Variants in PKD1L1 observed in about 807,000 individuals in gnomAD.
The protein encoded by PKD1L1 is polycystin-1-like protein 1.
A neutral mutation model predicts 323.4 loss-of-function variants in PKD1L1; 236 were observed. The ratio of observed to expected loss-of-function variants is 0.73; its 90% confidence interval spans 0.66 to 0.81. The LOEUF is 0.81. Among genes scored for constraint, PKD1L1 ranks in the 40% least tolerant of loss-of-function variants. The pLI, the probability that PKD1L1 is intolerant of heterozygous loss-of-function variation, is 0.00. For synonymous variants in PKD1L1, 1,344 were observed against 1,335.0 expected (o/e 1.01, Z -0.15); for missense variants, 3,320 against 3,508.0 (o/e 0.95, Z 1.35).
rs1554495 is a variant in PKD1L1 at position 47,865,139 on chromosome 7, G to A, written c.4149+77C>T. On this transcript the variant is annotated intron_variant, in intron 26 of 56. Transcript: ENST00000289672. ...GTGTCAAACTATGATTCTGGACAGTGTATTTTTCAAGAACTGATCATGTCC... is the reference window on the plus strand; with the variant it reads ...GTGTCAAACTATGATTCTGGACAGTATATTTTTCAAGAACTGATCATGTCC... 460,697 of 1,027,626 alleles carry A rather than the reference G, an allele frequency of 0.45. 105,139 individuals are homozygous for A. The highest frequency in any genetic ancestry group is 0.65 in the East Asian group (25,625 of 39,658). The allele number at this position is 1,027,626 out of a possible 1,614,324, so 63.7% of individuals were successfully genotyped here.
At position 47,839,443 on chromosome 7, in the gene PKD1L1, T is replaced by C. The variant is rs567976895; in HGVS notation, c.5769+3A>G. 4.4e-6 allele frequency: 7 copies of C among 1,603,960 alleles called. No homozygotes were observed. In the East Asian group the frequency reaches 1.6e-4, roughly 36 times the overall value. ...CACGAGAGGCCACCTGGAGGGAGCC[T>C]ACCTTCCGGAAGCCGAGTCCCCCTT... On this transcript the variant is annotated splice_donor_region_variant and intron_variant, in intron 36 of 56. Transcript: ENST00000289672. The surrounding 1 kb of genome is among the most constrained non-coding windows in gnomAD (Gnocchi z 4.3).
intron 26 of PKD1L1, among the ~76,000 whole-genome samples, chr7:47,861,737 C>T (rs190565829): frequency 2.2e-4 from 34 of 151,826 alleles, no homozygotes; most frequent in African/African-American, 7.5e-4. Context: ...AAAAATTAGC[C>T]GGGCATGGTG....
At chr7:47,934,767 G>A (rs890478216) in intron 4 of PKD1L1, among the ~76,000 whole-genome samples, 1 of 152,166 alleles carries the variant, frequency 6.6e-6, no homozygotes, top group Non-Finnish European at 1.5e-5. Context: ...GGGGTGGGGG[G>A]ATTGCGCTCA....
intron 28 of PKD1L1, 114 bp from the exon 29 acceptor site, chr7:47,855,379 G>T: frequency 1.5e-6 from 1 of 650,126 alleles, no homozygotes. Context: ...AAAATTATAT[G>T]CCTGATATTA....
intron 28 of PKD1L1, among the ~76,000 whole-genome samples, chr7:47,856,713 T>G (rs1785912436): frequency 1.3e-5 from 2 of 152,250 alleles, no homozygotes; most frequent in Non-Finnish European, 2.9e-5. Flanking sequence ...TTTTAATTTG[T>G]GTTTTTTATT....
rs149032330 is a variant in PKD1L1, at chr7:47,859,011, G to A, written c.4150-126C>T. Reference sequence around the variant, plus strand: ...TGAACAGAAAAGATGTAAATAAAGTGCCTCATGGCATATGATGCATATATT... The same window carrying A: ...TGAACAGAAAAGATGTAAATAAAGTACCTCATGGCATATGATGCATATATT... On this transcript the variant is annotated intron_variant, in intron 26 of 56. Coordinates refer to ENST00000289672, the MANE Select transcript of PKD1L1 (RefSeq NM_138295.5). The A allele has an allele frequency of 2.3e-3, 2,815 of 1,241,628 alleles. 48 individuals are homozygous for A. In the African/African-American group the frequency reaches 0.037, roughly 16 times the overall value. 76.9% of individuals were successfully genotyped at this position (1,241,628 alleles called of 1,614,324 possible).
the PKD1L1 span, among the ~76,000 whole-genome samples, chr7:47,958,795 CTCTCCCTCTCCCCACGG>C: frequency 8.9e-3 from 1,331 of 150,162 alleles, 15 homozygotes; most frequent in African/African-American, 0.021. Context: ...CTCCCTCTCC[CTCTCCCTCTCCCCACGG>C]TCTCCCTCTC....
the PKD1L1 span, among the ~76,000 whole-genome samples, chr7:47,959,664 C>T: frequency 2.4e-5 from 3 of 126,452 alleles, no homozygotes; most frequent in East Asian, 2.6e-4. Flanking sequence ...GGTCAGCCCC[C>T]GCCAGGCCAG....
At chr7:47,904,076 C>T (rs1359557423) in intron 12 of PKD1L1, among the ~76,000 whole-genome samples, 1 of 152,196 alleles carries the variant, frequency 6.6e-6, no homozygotes, top group Non-Finnish European at 1.5e-5. Context: ...GAGCCTCTCT[C>T]CCATTTCCCT....
At chr7:47,940,960 C>T (rs1159710593) in intron 2 of PKD1L1, among the ~76,000 whole-genome samples, 2 of 152,196 alleles carry the variant, frequency 1.3e-5, no homozygotes, top group Non-Finnish European at 2.9e-5. Context: ...GATGACAGGT[C>T]CTTGAGTGTT....
Position 47,813,972 on chromosome 7 carries a change from C to T in PKD1L1, c.7132G>A (p.Val2378Ile), listed in dbSNP as rs373810606. Residue 2378 changes from valine (V) to isoleucine (I), a missense_variant, in exon 48 of 57, where the codon GTA becomes ATA. Transcript: ENST00000289672. ...GGKCYLIGSS[V>I]IRQLKVFPRH... ...GGAAAAACTTTTAGCTGCCTAATTA[C>T]GGAACTGCCTATTAGGTAGCATTTT... 1.4e-5 allele frequency: 23 copies of T among 1,613,982 alleles called. No homozygotes were observed. Among genetic ancestry groups the T allele is most frequent in the South Asian group, 2.2e-5 (2 of 91,082 alleles).
chr7:47,823,788 T>C (rs769067875), intron 45 of PKD1L1, among the ~76,000 whole-genome samples: 1 of 152,216 alleles, frequency 6.6e-6, no homozygotes. Flanking sequence ...TAAAGAGAAA[T>C]ATCCCCCCTC....
chr7:47,825,838 A>G (rs951053557), intron 45 of PKD1L1, among the ~76,000 whole-genome samples: 16 of 152,152 alleles, frequency 1.1e-4, no homozygotes, highest in African/African-American at 3.6e-4. Context: ...TTTTGCTTGT[A>G]TATAAATATG....
Position 47,877,523 on chromosome 7 carries a change from G to C in PKD1L1, c.3629C>G (p.Thr1210Ser). 1 of 1,613,984 alleles carries C rather than the reference G, an allele frequency of 6.2e-7. No homozygotes were observed. The highest frequency in any genetic ancestry group is 1.3e-5 in the African/African-American group (1 of 75,012). ...VQPHHGLEAHTVFSVFCMSGK... is the reference protein window; with the variant it reads ...VQPHHGLEAHSVFSVFCMSGK... ...AGACATGCAGAAGACACTGAAGACG[G>C]TGTGTGCTTCCAGACCATGGTGGGG... Residue 1210 changes from threonine to serine, a missense_variant, in exon 22 of 57, where the codon ACC (threonine) becomes AGC (serine). Transcript: ENST00000289672.
intron 56 of PKD1L1, among the ~76,000 whole-genome samples, chr7:47,779,542 T>C (rs1182338399): frequency 6.6e-6 from 1 of 152,200 alleles, no homozygotes; most frequent in Non-Finnish European, 1.5e-5. Context: ...CTTGCTGATA[T>C]TCTCTACGGA....
At chr7:47,957,403 A>T in the PKD1L1 span, 1 of 152,294 alleles carries the variant, frequency 6.6e-6, no homozygotes, top group African/African-American at 2.4e-5. Context: ...TTTACAGATG[A>T]CACGATCATA....
Position 47,904,562 on chromosome 7 carries a change from G to A in PKD1L1, c.1747C>T (p.His583Tyr). 5.0e-6 allele frequency: 8 copies of A among 1,614,078 alleles called. No individual in the cohort carries two copies. The highest frequency in any genetic ancestry group is 6.8e-6 in the Non-Finnish European group (8 of 1,180,016). ...NRMSSVVSEP[H>Y]VIRVQKKIVA... ...ATTTTCTTCTGCACCCTGATGACAT[G>A]GGGCTCAGAGACCACACTGCTCATC... The change falls in exon 12 of 57, where the codon CAT (histidine) becomes TAT (tyrosine). Residue 583 changes from histidine (H) to tyrosine (Y), a missense_variant. Transcript: ENST00000289672.
intron 8 of PKD1L1, among the ~76,000 whole-genome samples, chr7:47,910,146 G>C (rs578080520): frequency 4.7e-4 from 71 of 152,294 alleles, no homozygotes; most frequent in African/African-American, 1.6e-3. Context: ...TAGCCATGCA[G>C]GTCATCCCAT....
chr7:47,918,787 T>C (rs1787480039), intron 7 of PKD1L1, among the ~76,000 whole-genome samples: 1 of 152,068 alleles, frequency 6.6e-6, no homozygotes, highest in Non-Finnish European at 1.5e-5. Flanking sequence ...AAAAATGAAA[T>C]CAAGATGGAA....
Sources: gnomAD v4.1 joint callset for allele counts (sites outside exome capture counted in the v4.1 genomes callset) on GRCh38, gnomAD v4.1.1 for gene constraint, Gnocchi (gnomAD v3.1) non-coding constraint, MANE v1.5 for transcripts, NCBI Gene and HGNC (gene_info 2026-07-23, HGNC 2026-07-21) for gene names.